KCNJ3: variants seen among roughly 807,000 people sequenced by gnomAD.
KCNJ3 encodes the protein potassium inwardly rectifying channel subfamily J member 3.
In KCNJ3, 4 loss-of-function variants were observed where a neutral mutation model predicts 39.2. The ratio of observed to expected loss-of-function variants is 0.10; its 90% CI spans 0.05 to 0.23. The LOEUF is 0.23. Among genes scored for constraint, KCNJ3 ranks in the 10% least tolerant of loss-of-function variants. KCNJ3 has a pLI of 1.00. For missense variants in KCNJ3, 276 were observed against 634.9 expected, an observed-to-expected ratio of 0.43 and a Z score of 6.08; for synonymous variants, 230 against 237.4, an observed-to-expected ratio of 0.97 and a Z score of 0.29.
In KCNJ3 at chr2:154,824,014, A is replaced by G. The variant is rs549137795; in HGVS notation, c.920-30713A>G. On this transcript the variant is annotated intron_variant, in intron 2 of 2. Coordinates refer to ENST00000295101, the MANE Select transcript of KCNJ3 (RefSeq NM_002239.4). ...TTGTTCCCTTTGCAATGAGAAATTG[A>G]GAAAATTATATTTGGCTTTAAATTA... is the stretch of plus-strand genomic sequence containing the variant. 3.3e-5 allele frequency among the ~76,000 whole-genome samples: 5 copies of G among 152,264 alleles called. No individual in the cohort carries two copies. The South Asian group carries it at 8.3e-4, about 25-fold the overall frequency.
intron 2 of KCNJ3, among the ~76,000 whole-genome samples, chr2:154,799,362 C>G (rs570614186): frequency 5.9e-5 from 9 of 152,084 alleles, no homozygotes; most frequent in Non-Finnish European, 1.0e-4. Context: ...CTGGTCTCAA[C>G]TCCTGACTGC....
intron 2 of KCNJ3, among the ~76,000 whole-genome samples, chr2:154,853,759 G>A (rs1687795118): frequency 6.6e-6 from 1 of 152,044 alleles, no homozygotes; most frequent in Non-Finnish European, 1.5e-5. Flanking sequence ...TGATTTGATT[G>A]TAACACAATC....
chr2:154,727,493 G>T (rs1460374102), intron 2 of KCNJ3, among the ~76,000 whole-genome samples: 1 of 150,752 alleles, frequency 6.6e-6, no homozygotes, highest in Non-Finnish European at 1.5e-5. Flanking sequence ...TCAGGAGGCT[G>T]AGGCAGCAGA....
At chr2:154,770,245 A>G (rs1686215219) in intron 2 of KCNJ3, among the ~76,000 whole-genome samples, 1 of 152,192 alleles carries the variant, frequency 6.6e-6, no homozygotes, top group Non-Finnish European at 1.5e-5. Context: ...CCCTCTGAAC[A>G]ATCTTCTTTG....
rs532544748 is a variant in KCNJ3, at chr2:154,771,309, A to G, written c.919+61490A>G. On this transcript the variant is annotated intron_variant, in intron 2 of 2. Coordinates refer to ENST00000295101, the MANE Select transcript of KCNJ3 (RefSeq NM_002239.4). ...GGGCTTTTTAATCAATGATGTTGGG[A>G]CAAGTGAACAATCATCTGGAAGAGA... Among the ~76,000 whole-genome samples the G allele has an allele frequency of 3.9e-5, 6 of 152,336 alleles. No individual in the cohort carries two copies. In the East Asian group the frequency reaches 1.2e-3, roughly 29 times the overall value.
chr2:154,740,463 C>G (rs978514959), intron 2 of KCNJ3, among the ~76,000 whole-genome samples: 3 of 151,954 alleles, frequency 2.0e-5, no homozygotes, highest in African/African-American at 7.2e-5. Context: ...TCAATAATAT[C>G]TCATTGCCAT....
At chr2:154,844,489 G>C (rs1294601412) in intron 2 of KCNJ3, among the ~76,000 whole-genome samples, 3 of 152,370 alleles carry the variant, frequency 2.0e-5, no homozygotes, top group Non-Finnish European at 4.4e-5. Context: ...AGAGCTGTCA[G>C]ACAGGGACGT....
At chr2:154,703,689 A>G (rs1470181735) in intron 1 of KCNJ3, among the ~76,000 whole-genome samples, 7 of 152,044 alleles carry the variant, frequency 4.6e-5, no homozygotes, top group African/African-American at 1.4e-4. Flanking sequence ...GTTTTCTCAT[A>G]TATTTATAGG....
intron 2 of KCNJ3, among the ~76,000 whole-genome samples, chr2:154,811,716 G>GTC (rs1188981740): frequency 6.6e-6 from 1 of 152,078 alleles, no homozygotes; most frequent in Non-Finnish European, 1.5e-5. Context: ...CAAGCCTTTG[G>GTC]TCTCCAGAAA....
At chr2:154,848,877 T>C (rs540052399) in intron 2 of KCNJ3, among the ~76,000 whole-genome samples, 2 of 152,212 alleles carry the variant, frequency 1.3e-5, no homozygotes, top group Non-Finnish European at 2.9e-5. Flanking sequence ...ATTTCTTTCA[T>C]CACTTGCTTT....
At chr2:154,782,654 A>G (rs551477883) in intron 2 of KCNJ3, among the ~76,000 whole-genome samples, 1 of 152,236 alleles carries the variant, frequency 6.6e-6, no homozygotes, top group African/African-American at 2.4e-5. Flanking sequence ...GTCTAGTGCC[A>G]TGCATGACAA....
chr2:154,737,953 A>G (rs570502630), intron 2 of KCNJ3, among the ~76,000 whole-genome samples: 1 of 152,296 alleles, frequency 6.6e-6, no homozygotes, highest in African/African-American at 2.4e-5. Context: ...AGAAAACTAC[A>G]TTAAGACATA....
intron 2 of KCNJ3, among the ~76,000 whole-genome samples, chr2:154,772,241 G>T (rs1002385882): frequency 6.6e-6 from 1 of 152,184 alleles, no homozygotes; most frequent in Non-Finnish European, 1.5e-5. Flanking sequence ...TTTGCAAAAA[G>T]ACAGGGTATT....
chr2:154,705,390 C>T (rs1044246620), intron 1 of KCNJ3, among the ~76,000 whole-genome samples: 11 of 152,080 alleles, frequency 7.2e-5, no homozygotes, highest in African/African-American at 9.7e-5. Flanking sequence ...ACTTAACAGT[C>T]GCCCTCTGTA....
chr2:154,856,460 T>G lies in KCNJ3; in HGVS notation c.*1147T>G, dbSNP rs1687840757. 6.6e-6 allele frequency: 1 copy of G among 152,450 alleles called. No individual in the cohort carries two copies. The highest frequency in any genetic ancestry group is 6.5e-5 in the Admixed American group (1 of 15,278). The allele number at this position is 152,450 out of a possible 1,614,324, so 9.4% of individuals were successfully genotyped here. Reference sequence around the variant, plus strand: ...ATGATAAATATTTATGCTTAAAATATGTATGTCTAATTGAGTCTCTTTTTT... The same window carrying G: ...ATGATAAATATTTATGCTTAAAATAGGTATGTCTAATTGAGTCTCTTTTTT... On this transcript the variant is annotated 3_prime_UTR_variant, in exon 3 of 3. Transcript: ENST00000295101.
intron 1 of KCNJ3, among the ~76,000 whole-genome samples, chr2:154,702,623 C>A (rs1684923394): frequency 6.6e-6 from 1 of 151,910 alleles, no homozygotes; most frequent in African/African-American, 2.4e-5. Flanking sequence ...GCCTTACAAA[C>A]ACTAAAATAT....
At chr2:154,709,391 T>C (rs1319657696) in intron 1 of KCNJ3, 2 of 569,322 alleles carry the variant, frequency 3.5e-6, no homozygotes, top group African/African-American at 1.9e-5. Context: ...TTATAGCAAG[T>C]TGTGTATTAT....
At chr2:154,777,536 T>C (rs1004690878) in intron 2 of KCNJ3, among the ~76,000 whole-genome samples, 3 of 152,180 alleles carry the variant, frequency 2.0e-5, no homozygotes, top group African/African-American at 7.2e-5. Flanking sequence ...TTCTCCCTCT[T>C]CATTTCCTGC....
At chr2:154,829,305 G>T (rs528303058) in intron 2 of KCNJ3, among the ~76,000 whole-genome samples, 58 of 152,084 alleles carry the variant, frequency 3.8e-4, no homozygotes, top group Non-Finnish European at 7.2e-4. Context: ...AGTAGGCCCT[G>T]GTGTCTATTG....
Sources: allele counts gnomAD v4.1 joint callset (sites outside exome capture counted in the v4.1 genomes callset), GRCh38; gene constraint gnomAD v4.1.1; transcripts MANE v1.5; gene names NCBI Gene and HGNC (gene_info 2026-07-23, HGNC 2026-07-21).